The following MARK4 variants were observed in gnomAD, a reference collection of about 807,000 sequenced individuals.
The protein encoded by MARK4 is microtubule affinity regulating kinase 4.
MARK4 carries 19 observed loss-of-function variants against 81.5 expected under a neutral mutation model. That is an observed-to-expected ratio of 0.23 (90% CI 0.16 to 0.34). The LOEUF (loss-of-function observed/expected upper bound fraction) is 0.34, where lower values mean the gene tolerates loss of function less well. Among genes scored for constraint, MARK4 ranks in the 10% least tolerant of loss-of-function variants. The pLI, the probability that MARK4 is intolerant of heterozygous loss-of-function variation, is 1.00. For missense variants in MARK4, 772 were observed against 1,058.8 expected (o/e 0.73, Z 3.76); for synonymous variants, 436 against 439.0 (o/e 0.99, Z 0.08).
At chr19:45,283,378 T>C (rs1051871625) in intron 12 of MARK4, among the ~76,000 whole-genome samples, 2 of 133,796 alleles carry the variant, frequency 1.5e-5, no homozygotes, top group African/African-American at 2.9e-5. Flanking sequence ...CACTACACTC[T>C]AGCCTGGGCG....
chr19:45,253,449 TCA>T (rs1469452033), intron 1 of MARK4, among the ~76,000 whole-genome samples: 1 of 152,184 alleles, frequency 6.6e-6, no homozygotes, highest in African/African-American at 2.4e-5. Flanking sequence ...TTTCTGAGCC[TCA>T]GTTTCCTGCC....
intron 1 of MARK4, among the ~76,000 whole-genome samples, chr19:45,257,760 G>A (rs569245440): frequency 6.7e-6 from 1 of 150,322 alleles, no homozygotes; most frequent in African/African-American, 2.5e-5. Context: ...CGCGATCTCG[G>A]CTCACTGCAA....
intron 8 of MARK4, among the ~76,000 whole-genome samples, chr19:45,273,060 T>C (rs556494728): frequency 6.6e-6 from 1 of 151,686 alleles, no homozygotes; most frequent in South Asian, 2.1e-4. Flanking sequence ...AGATATGATA[T>C]CAGATGCTGG....
At chr19:45,287,147 T>C (rs570467914) in intron 12 of MARK4, among the ~76,000 whole-genome samples, 1 of 142,572 alleles carries the variant, frequency 7.0e-6, no homozygotes, top group Admixed American at 7.6e-5. Flanking sequence ...GAGGTTGCAG[T>C]GAGCGGAGAT....
At chr19:45,299,931 AT>A in intron 16 of MARK4, 76 bp downstream of exon 16, 1 of 1,442,304 alleles carries the variant, frequency 6.9e-7, no homozygotes, top group Non-Finnish European at 9.4e-7. Flanking sequence ...ACCCCAGGGC[AT>A]TAGATGGGGC....
At chr19:45,272,535 T>A (rs772580480) in intron 8 of MARK4, among the ~76,000 whole-genome samples, 1 of 151,634 alleles carries the variant, frequency 6.6e-6, no homozygotes, top group Non-Finnish European at 1.5e-5. Context: ...GAGGAGCAAG[T>A]TGGAGGTTGA....
chr19:45,267,872 G>C (rs1568493242), intron 7 of MARK4, among the ~76,000 whole-genome samples: 1 of 152,116 alleles, frequency 6.6e-6, no homozygotes, highest in East Asian at 1.9e-4. Flanking sequence ...TGTTGTCCAG[G>C]CTGGTCTCGA....
At chr19:45,276,043 T>A (rs979210358) in intron 8 of MARK4, among the ~76,000 whole-genome samples, 3 of 152,124 alleles carry the variant, frequency 2.0e-5, no homozygotes, top group Non-Finnish European at 4.4e-5. Context: ...TGTCTGTTTG[T>A]TTTTTGAGAC....
At chr19:45,295,438 G>A (rs548507815) in intron 14 of MARK4, among the ~76,000 whole-genome samples, 3 of 152,190 alleles carry the variant, frequency 2.0e-5, no homozygotes, top group Admixed American at 2.0e-4. Flanking sequence ...CTAGCAGAAT[G>A]ACCGGGTAAA....
intron 6 of MARK4, 60 bp from the exon 7 acceptor site, chr19:45,266,165 A>T (rs1970451022): frequency 6.4e-7 from 1 of 1,568,240 alleles, no homozygotes; most frequent in Non-Finnish European, 8.8e-7. Flanking sequence ...TTCACAGTCC[A>T]CTGAGGGAGG....
chr19:45,269,854 A>G (rs907485898), intron 7 of MARK4, among the ~76,000 whole-genome samples: 2 of 152,108 alleles, frequency 1.3e-5, no homozygotes, highest in African/African-American at 2.4e-5. Flanking sequence ...TTATTTATTT[A>G]TTTATTCACT....
At chr19:45,251,935 C>T (rs973166142) in intron 1 of MARK4, among the ~76,000 whole-genome samples, 1 of 152,016 alleles carries the variant, frequency 6.6e-6, no homozygotes, top group African/African-American at 2.4e-5. Flanking sequence ...AGGAGCCCCT[C>T]CCTTCTCTTG....
chr19:45,258,969 G>A lies in MARK4; in HGVS notation c.52-20G>A, dbSNP rs564952643. Reference sequence around the variant, plus strand: ...CGGAAGGTGGGATTGGATAGCTCATGCTCCATCTCCCCCGCCCAGCATGGC... The same window carrying A: ...CGGAAGGTGGGATTGGATAGCTCATACTCCATCTCCCCCGCCCAGCATGGC... On this transcript the variant is annotated intron_variant, in intron 1 of 16. Transcript: ENST00000262891. 13 of 1,609,150 alleles carry A rather than the reference G, an allele frequency of 8.1e-6. No individual in the cohort carries two copies. The African/African-American group carries it at 1.7e-4, about 21-fold the overall frequency.
In MARK4 at chr19:45,303,793, G is replaced by A. The variant is rs903746531; in HGVS notation, c.*1083G>A. ...ACAAACCATTGTCTTGGGGAGCCCA[G>A]AAGAGAAAGTGGGCAGGGTGGGGTC... On this transcript the variant is annotated 3_prime_UTR_variant, in exon 17 of 17. Coordinates refer to ENST00000262891, the MANE Select transcript of MARK4 (RefSeq NM_001199867.2). The A allele has an allele frequency of 6.6e-6, 1 of 152,242 alleles. No individual in the cohort carries two copies. The highest frequency in any genetic ancestry group is 2.4e-5 in the African/African-American group (1 of 41,460). 9.4% of individuals were successfully genotyped at this position (152,242 alleles called of 1,614,324 possible).
intron 7 of MARK4, among the ~76,000 whole-genome samples, chr19:45,268,423 A>C (rs1970482758): frequency 6.6e-6 from 1 of 152,010 alleles, no homozygotes; most frequent in African/African-American, 2.4e-5. Context: ...ATCTCTACTA[A>C]AAATACAAAA....
intron 14 of MARK4, among the ~76,000 whole-genome samples, chr19:45,295,584 G>C (rs916427934): frequency 1.3e-5 from 2 of 152,124 alleles, no homozygotes; most frequent in African/African-American, 4.8e-5. Context: ...AGACCAGCCT[G>C]GCCAACATGA....
In MARK4 at chr19:45,280,496, C is replaced by T. The variant is rs1248089603; in HGVS notation, c.1116+13C>T. On this transcript the variant is annotated intron_variant, in intron 11 of 16. Transcript: ENST00000262891. ...CAGGAAGACTGAGGTCAGGGGGCGC[C>T]AGGGGCCCTTGGGGACGCGTGATGC... The T allele has an allele frequency of 6.2e-7, 1 of 1,613,984 alleles. No homozygotes were observed. The highest frequency in any genetic ancestry group is 8.5e-7 in the Non-Finnish European group (1 of 1,180,004).
In MARK4 at chr19:45,271,439, C is replaced by A; in HGVS notation, c.550-33C>A. 6.2e-7 allele frequency: 1 copy of A among 1,603,194 alleles called. No individual in the cohort carries two copies. The highest frequency in any genetic ancestry group is 8.5e-7 in the Non-Finnish European group (1 of 1,172,466). ...TCCATGAAAGGCTTTGGCCTTGAGT[C>A]CCACTTTCCGCCCTCTCCTTCTCTC... On this transcript the variant is annotated intron_variant, in intron 7 of 16. Transcript: ENST00000262891. The surrounding 1 kb of genome is among the most constrained non-coding windows in gnomAD (Gnocchi z 4.1).
chr19:45,285,489 G>C (rs1439363228), intron 12 of MARK4, among the ~76,000 whole-genome samples: 2 of 152,114 alleles, frequency 1.3e-5, no homozygotes, highest in African/African-American at 4.8e-5. Flanking sequence ...GGGAATCTGA[G>C]ACCCAGCATG....
Sources: gnomAD v4.1 joint callset for allele counts (sites outside exome capture counted in the v4.1 genomes callset) on GRCh38, gnomAD v4.1.1 for gene constraint, Gnocchi (gnomAD v3.1) non-coding constraint, MANE v1.5 for transcripts, NCBI Gene and HGNC (gene_info 2026-07-23, HGNC 2026-07-21) for gene names.